Variants in ARHGAP12 observed in about 807,000 individuals in gnomAD.
The protein encoded by ARHGAP12 is Rho GTPase activating protein 12.
A neutral mutation model predicts 108.6 loss-of-function variants in ARHGAP12; 64 were observed. The observed-to-expected ratio is 0.59, with a 90% CI of 0.48 to 0.73. The LOEUF (loss-of-function observed/expected upper bound fraction) is 0.73, where lower values mean the gene tolerates loss of function less well. Among genes scored for constraint, ARHGAP12 ranks in the 30% least tolerant of loss-of-function variants. The probability of loss-of-function intolerance (pLI) is 0.00; values close to 1 mark genes in which losing one functional copy is unlikely to be tolerated. For synonymous variants in ARHGAP12, 312 were observed against 337.2 expected, an observed-to-expected ratio of 0.93 and a Z score of 0.82; for missense variants, 940 against 1,005.9, an observed-to-expected ratio of 0.93 and a Z score of 0.89.
chr10:31,899,116 C>T lies in ARHGAP12; in HGVS notation c.684+9056G>A, dbSNP rs75403473. On this transcript the variant is annotated intron_variant, in intron 3 of 19. Transcript: ENST00000344936. ...TCCACTAAAATAAAAGGTCCAGAAT[C>T]GGAAAATCTATGGAGATAGAGAATA... Among the ~76,000 whole-genome samples the T allele has an allele frequency of 8.2e-3, 1,255 of 152,196 alleles. 23 individuals are homozygous for T. The highest frequency in any genetic ancestry group is 0.028 in the African/African-American group (1,176 of 41,520).
At chr10:31,841,752 T>C (rs758451146) in intron 7 of ARHGAP12, among the ~76,000 whole-genome samples, 1 of 152,202 alleles carries the variant, frequency 6.6e-6, no homozygotes, top group Non-Finnish European at 1.5e-5. Flanking sequence ...GTGGGTTTAC[T>C]GGGATATAAC....
intron 1 of ARHGAP12, among the ~76,000 whole-genome samples, chr10:31,926,006 C>G (rs543488866): frequency 6.6e-6 from 1 of 151,290 alleles, no homozygotes; most frequent in East Asian, 1.9e-4. Flanking sequence ...ATACTAGAAA[C>G]TTTAAGCACA....
chr10:31,811,388 A>G (rs1835010892), intron 15 of ARHGAP12, among the ~76,000 whole-genome samples: 1 of 152,246 alleles, frequency 6.6e-6, no homozygotes, highest in South Asian at 2.1e-4. Flanking sequence ...CTTTCAACCC[A>G]ACAGTTTTGA....
At chr10:31,822,971 T>C (rs1461185362) in intron 11 of ARHGAP12, among the ~76,000 whole-genome samples, 3 of 152,120 alleles carry the variant, frequency 2.0e-5, no homozygotes, top group African/African-American at 7.2e-5. Flanking sequence ...TGACTATTTT[T>C]AGAAATTTGA....
chr10:31,851,168 A>T (rs1836664046), intron 6 of ARHGAP12, among the ~76,000 whole-genome samples: 1 of 152,190 alleles, frequency 6.6e-6, no homozygotes, highest in African/African-American at 2.4e-5. Context: ...ACAGTATTTT[A>T]AAAAACAATC....
chr10:31,833,327 T>C (rs542324797), intron 9 of ARHGAP12, among the ~76,000 whole-genome samples: 1 of 109,872 alleles, frequency 9.1e-6, no homozygotes, highest in Non-Finnish European at 1.9e-5. Flanking sequence ...CACAGCTGAA[T>C]TTGTATTAAA....
At chr10:31,850,844 T>G (rs929600396) in intron 6 of ARHGAP12, among the ~76,000 whole-genome samples, 3 of 152,192 alleles carry the variant, frequency 2.0e-5, no homozygotes, top group African/African-American at 4.8e-5. Flanking sequence ...ATAAATAAGG[T>G]TTTATCTTCA....
At chr10:31,824,883 TTCAC>T (rs1306915042) in intron 11 of ARHGAP12, among the ~76,000 whole-genome samples, 2 of 152,152 alleles carry the variant, frequency 1.3e-5, no homozygotes, top group East Asian at 3.8e-4. Context: ...ATCCATTTTC[TTCAC>T]TCAATTTGAA....
At chr10:31,856,809 C>T (rs1836903399) in intron 4 of ARHGAP12, among the ~76,000 whole-genome samples, 1 of 152,044 alleles carries the variant, frequency 6.6e-6, no homozygotes, top group Non-Finnish European at 1.5e-5. Flanking sequence ...TAATCAGACT[C>T]TCTAAAACTT....
Position 31,831,799 on chromosome 10 carries a change from T to G in ARHGAP12, c.1388A>C (p.Asp463Ala). ...ATTTAATAATCCATATTTCTCTTGATCCTATGGAACAGAGTAATACTGTTT... is the reference window on the plus strand; with the variant it reads ...ATTTAATAATCCATATTTCTCTTGAGCCTATGGAACAGAGTAATACTGTTT... Reference protein sequence around the residue: ...KHQDTASSPKDQEKYGLLNVT... With the variant: ...KHQDTASSPKAQEKYGLLNVT... The change falls in exon 10 of 20, where the codon GAT (aspartate) becomes GCT (alanine). Residue 463 changes from aspartate to alanine, a missense_variant and splice_region_variant. Transcript: ENST00000344936. The G allele has an allele frequency of 6.4e-7, 1 of 1,569,286 alleles. No homozygotes were observed.
At chr10:31,825,825 C>A (rs932979870) in intron 11 of ARHGAP12, among the ~76,000 whole-genome samples, 1 of 152,140 alleles carries the variant, frequency 6.6e-6, no homozygotes, top group Non-Finnish European at 1.5e-5. Context: ...CAAAATCCCA[C>A]AAGTAATGTG....
chr10:31,891,429 A>G (rs1366190975), intron 3 of ARHGAP12, among the ~76,000 whole-genome samples: 1 of 152,204 alleles, frequency 6.6e-6, no homozygotes, highest in Non-Finnish European at 1.5e-5. Flanking sequence ...TCTGGCTTGC[A>G]GAGTTTCTGC....
chr10:31,820,019 T>C (rs1461344438), intron 12 of ARHGAP12, among the ~76,000 whole-genome samples: 1 of 151,664 alleles, frequency 6.6e-6, no homozygotes, highest in Non-Finnish European at 1.5e-5. Context: ...GAGAAGAAGA[T>C]ATAGAGATAT....
intron 12 of ARHGAP12, among the ~76,000 whole-genome samples, chr10:31,818,406 G>T (rs1332759410): frequency 6.6e-6 from 1 of 152,122 alleles, no homozygotes; most frequent in South Asian, 2.1e-4. Flanking sequence ...CACCCCTTTT[G>T]GGCGGAAGTA....
chr10:31,888,777 G>A (rs545822482), intron 3 of ARHGAP12, among the ~76,000 whole-genome samples: 2 of 152,200 alleles, frequency 1.3e-5, no homozygotes, highest in Non-Finnish European at 2.9e-5. Context: ...TAGGAATCAT[G>A]AGGTAAAAGC....
At chr10:31,883,705 G>A (rs984363471) in intron 3 of ARHGAP12, among the ~76,000 whole-genome samples, 1 of 149,228 alleles carries the variant, frequency 6.7e-6, no homozygotes, top group African/African-American at 2.5e-5. Flanking sequence ...GTGACCTCAT[G>A]TAAAATACTT....
At position 31,812,681 on chromosome 10, in the gene ARHGAP12, T is replaced by G. The variant is rs1835064374; in HGVS notation, c.1951+26A>C. On this transcript the variant is annotated intron_variant, in intron 15 of 19. Coordinates refer to ENST00000344936, the MANE Select transcript of ARHGAP12 (RefSeq NM_018287.7). ...TTATGACGTAGGCCAACATTCATTA[T>G]TATCAACAATACTTCTCCTACCAAC... The G allele has an allele frequency of 1.0e-5, 14 of 1,398,236 alleles. No homozygotes were observed. In the East Asian group the frequency reaches 3.0e-4, roughly 30 times the overall value. 86.6% of individuals were successfully genotyped at this position (1,398,236 alleles called of 1,614,324 possible).
rs2132131887 is a variant in ARHGAP12 at position 31,808,579 on chromosome 10, C to T, written c.2366+70G>A. 4 of 1,381,368 alleles carry T rather than the reference C, an allele frequency of 2.9e-6. No individual in the cohort carries two copies. In the East Asian group the frequency reaches 7.0e-5, roughly 24 times the overall value. 85.6% of individuals were successfully genotyped at this position (1,381,368 alleles called of 1,614,324 possible). On this transcript the variant is annotated intron_variant, in intron 19 of 19. Coordinates refer to ENST00000344936, the MANE Select transcript of ARHGAP12 (RefSeq NM_018287.7). ...GGGATCCAAATCTGAGTCTGAGTGACCCTGGCCCCACAGGCCTTCCCGCTT... is the reference window on the plus strand; with the variant it reads ...GGGATCCAAATCTGAGTCTGAGTGATCCTGGCCCCACAGGCCTTCCCGCTT...
intron 12 of ARHGAP12, among the ~76,000 whole-genome samples, 154 bp downstream of exon 12, chr10:31,820,233 C>T (rs114045246): frequency 7.2e-4 from 110 of 152,244 alleles, no homozygotes; most frequent in African/African-American, 2.5e-3. Context: ...AGTTTTTACA[C>T]CAGTTTTTTC....
Sources: gnomAD v4.1 joint callset for allele counts (sites outside exome capture counted in the v4.1 genomes callset) on GRCh38, gnomAD v4.1.1 for gene constraint, MANE v1.5 for transcripts, NCBI Gene and HGNC (gene_info 2026-07-23, HGNC 2026-07-21) for gene names.